UBE2W: variants seen among roughly 807,000 people sequenced by gnomAD.
UBE2W encodes ubiquitin conjugating enzyme E2 W.
Under a neutral mutation model 27.2 loss-of-function variants are expected in UBE2W, and 18 were observed. The observed-to-expected ratio is 0.66, with a 90% confidence interval of 0.46 to 0.98. The LOEUF is 0.98. Among genes scored for constraint, UBE2W ranks in the 50% least tolerant of loss-of-function variants. The pLI, the probability that UBE2W is intolerant of heterozygous loss-of-function variation, is 0.00. For missense variants in UBE2W, 90 were observed against 180.2 expected, an observed-to-expected ratio of 0.50 and a Z score of 2.87; for synonymous variants, 53 against 57.2, an observed-to-expected ratio of 0.93 and a Z score of 0.33.
intron 3 of UBE2W, among the ~76,000 whole-genome samples, chr8:73,819,952 TTCATTGCATAGAAAGATGAAA>T (rs2130889339): frequency 6.6e-6 from 1 of 152,328 alleles, no homozygotes; most frequent in African/African-American, 2.4e-5. Context: ...CTCAGTACTG[TTCATTGCATAGAAAGATGAAA>T]GACTTTTCTT....
chr8:73,796,869 C>T (rs979603168), intron 5 of UBE2W, among the ~76,000 whole-genome samples: 9 of 145,942 alleles, frequency 6.2e-5, no homozygotes, highest in African/African-American at 2.3e-4. Flanking sequence ...CCAGGACAAA[C>T]TCACCCCCCA....
At chr8:73,794,490 C>T (rs1808331829) in intron 5 of UBE2W, among the ~76,000 whole-genome samples, 1 of 152,126 alleles carries the variant, frequency 6.6e-6, no homozygotes, top group Admixed American at 6.5e-5. Flanking sequence ...CAGTGCCATG[C>T]TATTTAACAC....
chr8:73,863,429 G>A (rs867101008), intron 1 of UBE2W, among the ~76,000 whole-genome samples: 1,888 of 149,594 alleles, frequency 0.013, 46 homozygotes, highest in African/African-American at 0.045. Context: ...GGACTGTGGT[G>A]GGGTGGGGGG....
rs1355235767 is a variant in UBE2W, at chr8:73,792,335, T to C, written c.*1767A>G. The stretch of plus-strand genomic sequence containing the variant: ...TAAACAGTGTCCACAATTTGGTGGC[T>C]GGCCACGGTTTTAATTTTTTTTTTC... On this transcript the variant is annotated 3_prime_UTR_variant, in exon 6 of 6. Coordinates refer to ENST00000602593, the MANE Select transcript of UBE2W (RefSeq NM_018299.6). 1.0e-6 allele frequency: 1 copy of C among 985,556 alleles called. No homozygotes were observed. The highest frequency in any genetic ancestry group is 1.7e-5 in the African/African-American group (1 of 57,224). 61.1% of individuals were successfully genotyped at this position (985,556 alleles called of 1,614,324 possible).
chr8:73,801,682 TG>T (rs904379552), intron 5 of UBE2W, among the ~76,000 whole-genome samples: 22 of 152,206 alleles, frequency 1.4e-4, no homozygotes, highest in African/African-American at 4.1e-4. Flanking sequence ...GGATTTTTTT[TG>T]TTTGTTTTTT....
At chr8:73,827,650 C>T (rs570364285) in intron 2 of UBE2W, among the ~76,000 whole-genome samples, 9 of 152,266 alleles carry the variant, frequency 5.9e-5, no homozygotes, top group African/African-American at 1.9e-4. Context: ...CCACCTCAGA[C>T]TCCCAAGTAG....
intron 3 of UBE2W, among the ~76,000 whole-genome samples, chr8:73,814,133 T>G (rs1393937011): frequency 6.6e-6 from 1 of 152,202 alleles, no homozygotes; most frequent in Non-Finnish European, 1.5e-5. Flanking sequence ...CCATCCTCAT[T>G]TATTTAATAC....
chr8:73,868,522 G>C (rs1811869372), intron 1 of UBE2W, among the ~76,000 whole-genome samples: 2 of 152,138 alleles, frequency 1.3e-5, no homozygotes, highest in African/African-American at 4.8e-5. Context: ...CCCAAGAAGG[G>C]GGTTGTGGGA....
At chr8:73,872,534 T>C (rs956893663) in intron 1 of UBE2W, among the ~76,000 whole-genome samples, 1 of 152,198 alleles carries the variant, frequency 6.6e-6, no homozygotes, top group Non-Finnish European at 1.5e-5. Flanking sequence ...AATAGAGACA[T>C]AGCAGTAACT....
chr8:73,821,556 T>TGTGTG (rs1210664777), intron 3 of UBE2W, among the ~76,000 whole-genome samples: 2 of 7,722 alleles, frequency 2.6e-4, no homozygotes, highest in African/African-American at 1.0e-3. Context: ...AGTGTGTGTG[T>TGTGTG]GGGGGGGGGG....
intron 1 of UBE2W, among the ~76,000 whole-genome samples, chr8:73,840,142 T>C (rs184623471): frequency 6.6e-6 from 1 of 152,252 alleles, no homozygotes; most frequent in Admixed American, 6.5e-5. Flanking sequence ...CTGCAAACTC[T>C]GCCTCCAAGG....
intron 1 of UBE2W, among the ~76,000 whole-genome samples, chr8:73,859,064 A>T (rs1009807759): frequency 1.5e-4 from 22 of 150,868 alleles, no homozygotes; most frequent in Admixed American, 1.3e-3. Flanking sequence ...TAAACTGAGC[A>T]ATTTCTTCAA....
chr8:73,868,928 C>T (rs1229349048), intron 1 of UBE2W, among the ~76,000 whole-genome samples: 1 of 152,138 alleles, frequency 6.6e-6, no homozygotes, highest in Admixed American at 6.6e-5. Flanking sequence ...CTTGTACATA[C>T]ATGTTCACAG....
At chr8:73,851,735 GACTT>G (rs1287867282) in intron 1 of UBE2W, among the ~76,000 whole-genome samples, 1 of 150,846 alleles carries the variant, frequency 6.6e-6, no homozygotes, top group Non-Finnish European at 1.5e-5. Context: ...GGAATCAAAG[GACTT>G]ACTTAGGATG....
intron 3 of UBE2W, 34 bp from the exon 4 acceptor site, chr8:73,810,663 T>G: frequency 6.7e-7 from 1 of 1,490,650 alleles, no homozygotes; most frequent in Non-Finnish European, 8.9e-7. Flanking sequence ...AAAACTCAAA[T>G]ATTCTCTACT....
At chr8:73,800,170 A>G (rs1808579772) in intron 5 of UBE2W, among the ~76,000 whole-genome samples, 1 of 146,576 alleles carries the variant, frequency 6.8e-6, no homozygotes, top group Non-Finnish European at 1.5e-5. Flanking sequence ...AAGTGAAGGA[A>G]AAAAAAGTGA....
intron 1 of UBE2W, among the ~76,000 whole-genome samples, chr8:73,869,869 TCAAA>T (rs1249077252): frequency 1.3e-5 from 2 of 152,086 alleles, no homozygotes; most frequent in Non-Finnish European, 2.9e-5. Flanking sequence ...CTCACCTGTC[TCAAA>T]CAAACAGCTA....
In UBE2W at chr8:73,788,014, T is replaced by C. The variant is rs1808032273; in HGVS notation, c.*6088A>G. 1 of 985,460 alleles carries C rather than the reference T, an allele frequency of 1.0e-6. No homozygotes were observed. The highest frequency in any genetic ancestry group is 1.2e-6 in the Non-Finnish European group (1 of 829,934). The allele number at this position is 985,460 out of a possible 1,614,324, so 61.0% of individuals were successfully genotyped here. A position where few individuals can be genotyped will look rare whatever the true frequency, so the allele number is the denominator to read the frequency against. The stretch of plus-strand genomic sequence containing the variant: ...AATGGACATGTTCCTGTTTCTATAA[T>C]CCTTTAAAATTCAGTCTTTTGTGAA... On this transcript the variant is annotated 3_prime_UTR_variant, in exon 6 of 6. Coordinates refer to ENST00000602593, the MANE Select transcript of UBE2W (RefSeq NM_018299.6).
intron 5 of UBE2W, among the ~76,000 whole-genome samples, chr8:73,801,846 C>T (rs1433131131): frequency 6.6e-6 from 1 of 152,192 alleles, no homozygotes; most frequent in Non-Finnish European, 1.5e-5. Context: ...AGACTAGCTA[C>T]ATCAGAATTA....
Sources: allele counts gnomAD v4.1 joint callset (sites outside exome capture counted in the v4.1 genomes callset), GRCh38; gene constraint gnomAD v4.1.1; transcripts MANE v1.5; gene names NCBI Gene and HGNC (gene_info 2026-07-23, HGNC 2026-07-21).